The following ATP8B2 variants were observed in gnomAD, a reference collection of about 807,000 sequenced individuals.
The protein encoded by ATP8B2 is phospholipid-transporting ATPase ID.
Under a neutral mutation model 133.4 loss-of-function variants are expected in ATP8B2, and 70 were observed. That is an observed-to-expected ratio of 0.52 (90% CI 0.43 to 0.64). The LOEUF is 0.64. ATP8B2 is among the 30% of genes least tolerant of loss of function. The pLI, the probability that ATP8B2 is intolerant of heterozygous loss-of-function variation, is 0.00. For missense variants in ATP8B2, 1,101 were observed against 1,535.7 expected (o/e 0.72, Z 4.73); for synonymous variants, 517 against 589.5 (o/e 0.88, Z 1.78).
rs146738009 is a variant in ATP8B2 at position 154,344,759 on chromosome 1, G to A, written c.2260G>A (p.Ala754Thr). The change falls in exon 21 of 28, where the codon GCC becomes ACC. Residue 754 changes from alanine (A) to threonine (T), a missense_variant. By Grantham distance (58) the Ala-to-Thr change is moderately conservative. Coordinates refer to ENST00000368489, the MANE Select transcript of ATP8B2 (RefSeq NM_001370597.1). The surrounding 1 kb of genome is among the most constrained non-coding windows in gnomAD (Gnocchi z 4.1). ...CCTGGAGGCCGTTGCTGGGGAGTAC[G>A]CCCTGGTCATAAATGGTCACAGCCT... ...SVLEAVAGEY[A>T]LVINGHSLAH... The A allele has an allele frequency of 6.5e-5, 104 of 1,604,742 alleles. No individual in the cohort carries two copies. The highest frequency in any genetic ancestry group is 5.1e-4 in the African/African-American group (38 of 74,900).
intron 2 of ATP8B2, among the ~76,000 whole-genome samples, chr1:154,329,585 G>C (rs1279703148): frequency 6.6e-6 from 1 of 152,104 alleles, no homozygotes. Flanking sequence ...TTTCAGATAG[G>C]TTTAGCTAGA....
chr1:154,348,204 G>A (rs1448221894), intron 26 of ATP8B2, among the ~76,000 whole-genome samples: 1 of 152,176 alleles, frequency 6.6e-6, no homozygotes, highest in South Asian at 2.1e-4. Flanking sequence ...GGTATGTCAA[G>A]TCTGGCAGTT....
rs761396426 is a variant in ATP8B2, at chr1:154,340,608, C to A, written c.1035-246C>A. 3.6e-6 allele frequency: 2 copies of A among 555,796 alleles called. No homozygotes were observed. Among genetic ancestry groups the A allele is most frequent in the African/African-American group, 1.9e-5 (1 of 52,980 alleles). 34.4% of individuals were successfully genotyped at this position (555,796 alleles called of 1,614,324 possible). A position where few individuals can be genotyped will look rare whatever the true frequency, so the allele number is the denominator to read the frequency against. ...CTCCTTTGCTGTCTGTCCTGCCCAC[C>A]CAGGCCCTTTGCACCTTCTTGTCTG... On this transcript the variant is annotated intron_variant, in intron 12 of 27. Coordinates refer to ENST00000368489, the MANE Select transcript of ATP8B2 (RefSeq NM_001370597.1). This position sits in a 1 kb window ranked among gnomAD's most constrained non-coding sequence, Gnocchi z 4.0.
chr1:154,332,105 C>A, intron 8 of ATP8B2, 81 bp downstream of exon 8: 1 of 1,449,898 alleles, frequency 6.9e-7, no homozygotes. Flanking sequence ...GGTTCTCAGG[C>A]CTGGGCTCTG....
At chr1:154,332,559 G>GA (rs965712365) in intron 8 of ATP8B2, 59 bp from the exon 9 acceptor site, 140 of 1,382,198 alleles carry the variant, frequency 1.0e-4, no homozygotes, top group Admixed American at 6.9e-4. Flanking sequence ...CCCCATCTGT[G>GA]AAAAAAAACA....
chr1:154,334,671 T>C lies in ATP8B2; in HGVS notation c.837+80T>C. On this transcript the variant is annotated intron_variant, in intron 11 of 27. Coordinates refer to ENST00000368489, the MANE Select transcript of ATP8B2 (RefSeq NM_001370597.1). This position sits in a 1 kb window ranked among gnomAD's most constrained non-coding sequence, Gnocchi z 4.6. ...TCCTTTTCCTTTCCTCTTTCTTCTTTGGTCAGTAGACTTCAGGTTTGGCTT... is the reference window on the plus strand; with the variant it reads ...TCCTTTTCCTTTCCTCTTTCTTCTTCGGTCAGTAGACTTCAGGTTTGGCTT... The C allele has an allele frequency of 1.6e-6, 2 of 1,265,886 alleles. No homozygotes were observed. The highest frequency in any genetic ancestry group is 2.3e-6 in the Non-Finnish European group (2 of 886,894). The allele number at this position is 1,265,886 out of a possible 1,614,324, so 78.4% of individuals were successfully genotyped here. A position where few individuals can be genotyped will look rare whatever the true frequency, so the allele number is the denominator to read the frequency against.
chr1:154,335,089 C>T (rs1384756538), intron 11 of ATP8B2, among the ~76,000 whole-genome samples: 1 of 152,192 alleles, frequency 6.6e-6, no homozygotes, highest in Non-Finnish European at 1.5e-5. Context: ...CTCTCCTCCC[C>T]TTCCTGTGCC....
At position 154,333,503 on chromosome 1, in the gene ATP8B2, CA is replaced by C. The variant is rs373221836; in HGVS notation, c.590-592del. Among the ~76,000 whole-genome samples, 534 of 135,256 alleles carry C rather than the reference CA, an allele frequency of 3.9e-3. 2 individuals are homozygous for C. The highest frequency in any genetic ancestry group is 9.4e-3 in the African/African-American group (341 of 36,316). 88.7% of individuals were successfully genotyped at this position (135,256 alleles called of 152,430 possible). A position where few individuals can be genotyped will look rare whatever the true frequency, so the allele number is the denominator to read the frequency against. On this transcript the variant is annotated intron_variant, in intron 9 of 27. Coordinates refer to ENST00000368489, the MANE Select transcript of ATP8B2 (RefSeq NM_001370597.1). ...TGGGCAACACAGTGAGACACTGTCT[CA>C]AAAAAAAAAAAGAAGAAGAAAATAG... is the stretch of plus-strand genomic sequence containing the variant.
chr1:154,348,677 C>G (rs1349808574), intron 27 of ATP8B2, 139 bp downstream of exon 27: 3 of 1,411,816 alleles, frequency 2.1e-6, no homozygotes, highest in Non-Finnish European at 2.9e-6. Context: ...GGACAGACAC[C>G]CTGTGCAGCT....
At chr1:154,348,596 A>G (rs1194591) in intron 27 of ATP8B2, 58 bp downstream of exon 27, 1,579,321 of 1,597,194 alleles carry the variant, frequency 0.99, 782,485 homozygotes, top group East Asian at 1. Flanking sequence ...GAAAGGCCTC[A>G]TGTGAACACT....
chr1:154,333,254 A>C (rs1205370583), intron 9 of ATP8B2, among the ~76,000 whole-genome samples: 17 of 152,000 alleles, frequency 1.1e-4, no homozygotes, highest in Admixed American at 7.9e-4. Flanking sequence ...CGGAGGTTGC[A>C]GGGAGGCGGA....
chr1:154,329,411 C>T (rs1051916591), intron 2 of ATP8B2, among the ~76,000 whole-genome samples: 1 of 152,084 alleles, frequency 6.6e-6, no homozygotes, highest in African/African-American at 2.4e-5. Flanking sequence ...GTCTTTGGCT[C>T]CCGGACAGGC....
chr1:154,328,023 A>G lies in ATP8B2; in HGVS notation c.-37-82A>G. The stretch of plus-strand genomic sequence containing the variant: ...AGGGGCAGGGTCAGAGCTGGAGAAG[A>G]GGGTCTTCAAAAGAGGTCTCATGAG... On this transcript the variant is annotated intron_variant, in intron 1 of 27. Transcript: ENST00000368489. The surrounding 1 kb of genome is among the most constrained non-coding windows in gnomAD (Gnocchi z 4.6). The G allele has an allele frequency of 6.6e-7, 1 of 1,524,014 alleles. No homozygotes were observed. The highest frequency in any genetic ancestry group is 9.1e-7 in the Non-Finnish European group (1 of 1,098,158). The allele number at this position is 1,524,014 out of a possible 1,614,324, so 94.4% of individuals were successfully genotyped here. A position where few individuals can be genotyped will look rare whatever the true frequency, so the allele number is the denominator to read the frequency against.
chr1:154,332,279 A>G (rs1686019152), intron 8 of ATP8B2, among the ~76,000 whole-genome samples: 1 of 152,134 alleles, frequency 6.6e-6, no homozygotes, highest in Non-Finnish European at 1.5e-5. Flanking sequence ...ACTCCTGTAA[A>G]TCCCAGCACT....
chr1:154,346,876 T>TATTA lies in ATP8B2; in HGVS notation c.3163+121_3163+122insAATT. 1 of 1,054,502 alleles carries TATTA rather than the reference T, an allele frequency of 9.5e-7. No homozygotes were observed. 65.3% of individuals were successfully genotyped at this position (1,054,502 alleles called of 1,614,324 possible). A position where few individuals can be genotyped will look rare whatever the true frequency, so the allele number is the denominator to read the frequency against. On this transcript the variant is annotated intron_variant, in intron 26 of 27. Transcript: ENST00000368489. The surrounding 1 kb of genome is among the most constrained non-coding windows in gnomAD (Gnocchi z 4.5). ...TATGTGCCAAGTATTCTGTTTATTTTATTTATTTATTTATTTATTTTCGAG... is the reference window on the plus strand; with the variant it reads ...TATGTGCCAAGTATTCTGTTTATTTTATTAATTTATTTATTTATTTATTTTCGAG...
intron 8 of ATP8B2, 28 bp from the exon 9 acceptor site, chr1:154,332,590 C>T (rs572550130): frequency 2.6e-5 from 40 of 1,533,746 alleles, no homozygotes; most frequent in South Asian, 1.9e-4. Flanking sequence ...GAGGAGGGAG[C>T]GGGGACTCAG....
rs1311694189 is a variant in ATP8B2 at position 154,351,234 on chromosome 1, A to G, written c.*2116A>G. Reference sequence around the variant, plus strand: ...ACATTATAATTTATGACACATTTCTATACTTGCAAAAATTATATCATTTTA... The same window carrying G: ...ACATTATAATTTATGACACATTTCTGTACTTGCAAAAATTATATCATTTTA... On this transcript the variant is annotated 3_prime_UTR_variant, in exon 28 of 28. Transcript: ENST00000368489. 1.3e-5 allele frequency: 2 copies of G among 152,420 alleles called. No individual in the cohort carries two copies. Among genetic ancestry groups the G allele is most frequent in the African/African-American group, 2.4e-5 (1 of 41,404 alleles). 9.4% of individuals were successfully genotyped at this position (152,420 alleles called of 1,614,324 possible).
rs1686005688 is a variant in ATP8B2, at chr1:154,331,904, T to TG, written c.439-45dup. ...GGAAGGAGCCACCATTACAGCCCAC[T>TG]GGGGGTGGAGGTTTGCATATTTGGA... On this transcript the variant is annotated intron_variant, in intron 7 of 27. Transcript: ENST00000368489. This position sits in a 1 kb window ranked among gnomAD's most constrained non-coding sequence, Gnocchi z 4.8. 2 of 1,559,302 alleles carry TG rather than the reference T, an allele frequency of 1.3e-6. No individual in the cohort carries two copies. The highest frequency in any genetic ancestry group is 4.5e-5 in the East Asian group (2 of 44,610).
intron 11 of ATP8B2, among the ~76,000 whole-genome samples, chr1:154,335,083 C>T (rs1300303397): frequency 6.6e-6 from 1 of 152,188 alleles, no homozygotes; most frequent in East Asian, 1.9e-4. Context: ...GTTGGGCTCT[C>T]CTCCCCTTCC....
Sources: gnomAD v4.1 joint callset for allele counts (sites outside exome capture counted in the v4.1 genomes callset) on GRCh38, gnomAD v4.1.1 for gene constraint, Gnocchi (gnomAD v3.1) non-coding constraint, MANE v1.5 for transcripts, NCBI Gene and HGNC (gene_info 2026-07-23, HGNC 2026-07-21) for gene names.